SMCO4: variants seen among roughly 807,000 people sequenced by gnomAD.
The protein encoded by SMCO4 is single-pass membrane and coiled-coil domain-containing protein 4.
In SMCO4, 4 loss-of-function variants were observed where a neutral mutation model predicts 3.6. The ratio of observed to expected loss-of-function variants is 1.11; its 90% confidence interval spans 0.54 to 2.53. The LOEUF (loss-of-function observed/expected upper bound fraction) is 2.53, where lower values mean the gene tolerates loss of function less well. Among genes scored for constraint, SMCO4 ranks in the 30% most tolerant of loss-of-function variants. The probability of loss-of-function intolerance (pLI) is 0.02; values close to 1 mark genes in which losing one functional copy is unlikely to be tolerated. For missense variants in SMCO4, 70 were observed against 80.8 expected, an observed-to-expected ratio of 0.87 and a Z score of 0.51; for synonymous variants, 36 against 35.3, an observed-to-expected ratio of 1.02 and a Z score of -0.07.
chr11:93,516,279 A>G (rs1949007243), intron 1 of SMCO4, among the ~76,000 whole-genome samples: 1 of 152,282 alleles, frequency 6.6e-6, no homozygotes, highest in Admixed American at 6.5e-5. Context: ...GTCCCAAAAG[A>G]AAGAAGGGGA....
chr11:93,499,475 T>G (rs1948813377), intron 1 of SMCO4, 127 bp from the exon 2 acceptor site: 1 of 152,172 alleles, frequency 6.6e-6, no homozygotes, highest in Non-Finnish European at 1.5e-5. Flanking sequence ...CCCAACTGGC[T>G]TAGGGATAGA....
At chr11:93,517,641 C>T (rs1380598030) in intron 1 of SMCO4, among the ~76,000 whole-genome samples, 1 of 152,194 alleles carries the variant, frequency 6.6e-6, no homozygotes, top group Non-Finnish European at 1.5e-5. Context: ...ATTTATTAAG[C>T]ACTTACAGTG....
chr11:93,493,344 A>G (rs1044354932), intron 2 of SMCO4, among the ~76,000 whole-genome samples: 3 of 152,140 alleles, frequency 2.0e-5, no homozygotes, highest in Admixed American at 6.5e-5. Flanking sequence ...GAGCTCTCCC[A>G]GTCACCTTCT....
intron 1 of SMCO4, among the ~76,000 whole-genome samples, chr11:93,514,480 C>T (rs2605620): frequency 0.76 from 107,980 of 142,960 alleles, 41,352 homozygotes; most frequent in South Asian, 0.83. Flanking sequence ...TCAATTCCCT[C>T]GCTATATTTT....
chr11:93,495,918 C>T (rs1163950839), intron 2 of SMCO4, among the ~76,000 whole-genome samples: 1 of 152,126 alleles, frequency 6.6e-6, no homozygotes, highest in Non-Finnish European at 1.5e-5. Context: ...GAAGTCACTG[C>T]AATCTTCCTA....
At chr11:93,498,850 G>A (rs528494315) in intron 2 of SMCO4, among the ~76,000 whole-genome samples, 2 of 152,242 alleles carry the variant, frequency 1.3e-5, no homozygotes, top group Non-Finnish European at 2.9e-5. Flanking sequence ...ATGGAATACC[G>A]ACTGTGTCCC....
chr11:93,529,493 A>G (rs1167128819), intron 1 of SMCO4, among the ~76,000 whole-genome samples: 2 of 152,034 alleles, frequency 1.3e-5, no homozygotes, highest in Non-Finnish European at 2.9e-5. Context: ...TAACCTCCCC[A>G]AGCAGGCTGC....
At chr11:93,490,934 A>T (rs1229655402) in intron 2 of SMCO4, among the ~76,000 whole-genome samples, 1 of 152,222 alleles carries the variant, frequency 6.6e-6, no homozygotes, top group Non-Finnish European at 1.5e-5. Context: ...GAGTTACTGA[A>T]GTCTCTTTCC....
chr11:93,493,080 T>C (rs1455738706), intron 2 of SMCO4, among the ~76,000 whole-genome samples: 1 of 152,224 alleles, frequency 6.6e-6, no homozygotes, highest in Non-Finnish European at 1.5e-5. Context: ...ATTTGATCTT[T>C]AATTTAAATG....
intron 1 of SMCO4, among the ~76,000 whole-genome samples, chr11:93,507,547 A>G (rs924053603): frequency 3.9e-5 from 6 of 152,254 alleles, no homozygotes; most frequent in Admixed American, 1.3e-4. Context: ...TAAATGTGAT[A>G]TTTTGATATT....
At chr11:93,506,741 T>G (rs7114771) in intron 1 of SMCO4, among the ~76,000 whole-genome samples, 45,745 of 152,160 alleles carry the variant, frequency 0.3, 7,251 homozygotes, top group Non-Finnish European at 0.34. Flanking sequence ...ACGCCTGTCC[T>G]TAGCTAAGCG....
intron 2 of SMCO4, among the ~76,000 whole-genome samples, chr11:93,483,280 G>A (rs959255014): frequency 7.2e-5 from 11 of 152,160 alleles, no homozygotes; most frequent in African/African-American, 1.7e-4. Context: ...GTCCATGCCC[G>A]CCTCCCTCTG....
chr11:93,547,571 A>G (rs1276324917), upstream of SMCO4, among the ~76,000 whole-genome samples: 1 of 152,136 alleles, frequency 6.6e-6, no homozygotes, highest in African/African-American at 2.4e-5. Flanking sequence ...CCTCCACGAG[A>G]AAAGGGACTG....
chr11:93,552,009 T>A, the SMCO4 span, among the ~76,000 whole-genome samples: 1 of 152,132 alleles, frequency 6.6e-6, no homozygotes. Flanking sequence ...GAACAACAGT[T>A]TACTTTTTGA....
chr11:93,529,963 A>G (rs1250110714), intron 1 of SMCO4, among the ~76,000 whole-genome samples: 2 of 152,150 alleles, frequency 1.3e-5, no homozygotes, highest in African/African-American at 4.8e-5. Context: ...ACAGCCATCT[A>G]CTCACTGTCT....
At chr11:93,540,824 C>T (rs928200602) in intron 1 of SMCO4, among the ~76,000 whole-genome samples, 1 of 152,082 alleles carries the variant, frequency 6.6e-6, no homozygotes, top group African/African-American at 2.4e-5. Context: ...AAAGACTCAA[C>T]CTAATTAATC....
chr11:93,528,372 T>C (rs1949131201), intron 1 of SMCO4, among the ~76,000 whole-genome samples: 1 of 152,070 alleles, frequency 6.6e-6, no homozygotes, highest in African/African-American at 2.4e-5. Context: ...AACAAGGAGA[T>C]CAGGTTGAGC....
At chr11:93,535,765 A>G (rs1949217745) in intron 1 of SMCO4, 1 of 1,607,982 alleles carries the variant, frequency 6.2e-7, no homozygotes, top group African/African-American at 1.4e-5. Context: ...GAGAGACAAA[A>G]AGAACAAAAC....
In SMCO4 at chr11:93,518,686, T is replaced by A. The variant is rs559493132; in HGVS notation, c.-153-19338A>T. Among the ~76,000 whole-genome samples the A allele has an allele frequency of 7.9e-5, 12 of 152,378 alleles. No individual in the cohort carries two copies. The South Asian group carries it at 2.5e-3, about 32-fold the overall frequency. The stretch of plus-strand genomic sequence containing the variant: ...AGAAGAAATCCAAACAGTACACTTC[T>A]ATGTTTTTGAAAGGCTAAGAGAAAA... On this transcript the variant is annotated intron_variant, in intron 1 of 2. Transcript: ENST00000298966.
Sources: allele counts gnomAD v4.1 joint callset (sites outside exome capture counted in the v4.1 genomes callset), GRCh38; gene constraint gnomAD v4.1.1; transcripts MANE v1.5; gene names NCBI Gene and HGNC (gene_info 2026-07-23, HGNC 2026-07-21).